Variants in EXD3 observed in about 807,000 individuals in gnomAD.
EXD3 encodes the protein exonuclease 3'-5' domain containing 3, also known as exonuclease mut-7 homolog.
Under a neutral mutation model 98.0 loss-of-function variants are expected in EXD3, and 92 were observed. The ratio of observed to expected loss-of-function variants is 0.94; its 90% CI spans 0.79 to 1.12. The LOEUF (loss-of-function observed/expected upper bound fraction) is 1.12. Ranked by LOEUF, EXD3 falls within the 50% of genes most tolerant of loss-of-function variation. EXD3 has a pLI of 0.00. For missense variants in EXD3, 1,222 were observed against 1,191.6 expected (o/e 1.03, Z -0.38); for synonymous variants, 569 against 526.0 (o/e 1.08, Z -1.12).
intron 5 of EXD3, among the ~76,000 whole-genome samples, chr9:137,370,789 G>GC (rs1835551120): frequency 1.4e-5 from 2 of 143,246 alleles, no homozygotes; most frequent in Non-Finnish European, 1.5e-5. Context: ...AGCCAAGAGG[G>GC]CCTTTTTTTT....
At chr9:137,361,704 C>G (rs1835002435) in intron 7 of EXD3, among the ~76,000 whole-genome samples, 1 of 148,608 alleles carries the variant, frequency 6.7e-6, no homozygotes, top group Admixed American at 6.7e-5. Context: ...TGAGATCGCG[C>G]CACTGCACTC....
chr9:137,392,735 C>T, intron 2 of EXD3: 1 of 347,268 alleles, frequency 2.9e-6, no homozygotes, highest in Non-Finnish European at 5.5e-6. Flanking sequence ...GAGCACCAGG[C>T]TGTTCCAGGG....
chr9:137,421,215 C>T (rs968559910), intron 1 of EXD3, among the ~76,000 whole-genome samples: 4 of 152,118 alleles, frequency 2.6e-5, no homozygotes, highest in Non-Finnish European at 5.9e-5. Context: ...GCTGTTATGA[C>T]GCCAGCACAT....
At chr9:137,412,668 C>T (rs936265673) in intron 1 of EXD3, among the ~76,000 whole-genome samples, 10 of 152,326 alleles carry the variant, frequency 6.6e-5, no homozygotes, top group South Asian at 2.1e-4. Flanking sequence ...CACGCACAGC[C>T]GGGGCCCCTC....
In EXD3 at chr9:137,307,065, AAG is replaced by A; in HGVS notation, c.2514_2515del (p.Phe839LeufsTer44). ...ACGACCCAGGTGGGAGCCGTCCCAGAAGACCTTTCCACAGCCCGTGCAGCAGT... is the reference window on the plus strand; with the variant it reads ...ACGACCCAGGTGGGAGCCGTCCCAGAACCTTTCCACAGCCCGTGCAGCAGT... On this transcript the variant is annotated frameshift_variant, in exon 22 of 22. Transcript: ENST00000340951. LOFTEE classifies it low-confidence loss of function (END_TRUNC). 2 of 1,611,940 alleles carry A rather than the reference AAG, an allele frequency of 1.2e-6. No individual in the cohort carries two copies. Among genetic ancestry groups the A allele is most frequent in the Non-Finnish European group, 1.7e-6 (2 of 1,179,574 alleles).
intron 12 of EXD3, 117 bp from the exon 13 acceptor site, chr9:137,351,645 C>A: frequency 2.1e-6 from 2 of 933,828 alleles, no homozygotes; most frequent in Non-Finnish European, 3.3e-6. Flanking sequence ...GCCCCTGCAC[C>A]CCTGCATGTT....
chr9:137,419,503 C>T (rs1028982923), intron 1 of EXD3, among the ~76,000 whole-genome samples: 2 of 151,876 alleles, frequency 1.3e-5, no homozygotes, highest in African/African-American at 2.4e-5. Flanking sequence ...AACCCCGTTT[C>T]TACTAAAAAT....
intron 10 of EXD3, chr9:137,353,436 C>T: frequency 2.0e-6 from 2 of 985,370 alleles, no homozygotes; most frequent in African/African-American, 1.7e-5. Flanking sequence ...CTGCCCCTTC[C>T]CCTCCTCCTC....
chr9:137,351,516 C>T lies in EXD3; in HGVS notation c.1186G>A (p.Val396Ile). Residue 396 changes from valine to isoleucine, a missense_variant, in exon 13 of 22, where the codon GTT (valine) becomes ATT (isoleucine). Val to Ile is a conservative substitution (Grantham distance 29, BLOSUM62 3). Transcript: ENST00000340951. The part of the protein sequence containing the change: ...EGALLQCHQV[V>I]GVDVEWTPVF... Reference sequence around the variant, plus strand: ...GGTGTCCACTCCACGTCTACACCAACCACTTGGTGGCACTGCGGGCAGAGA... The same window carrying T: ...GGTGTCCACTCCACGTCTACACCAATCACTTGGTGGCACTGCGGGCAGAGA... The T allele has an allele frequency of 6.3e-7, 1 of 1,589,928 alleles. No individual in the cohort carries two copies. The highest frequency in any genetic ancestry group is 8.5e-7 in the Non-Finnish European group (1 of 1,169,712).
chr9:137,329,145 AGCTACACGGG>A (rs1283914331), intron 17 of EXD3, among the ~76,000 whole-genome samples: 25 of 1,280 alleles, frequency 0.02, 1 homozygote, highest in South Asian at 0.05. Context: ...GCTACACGGG[AGCTACACGGG>A]GCTACACGGG....
intron 10 of EXD3, 182 bp downstream of exon 10, chr9:137,354,157 C>T (rs1834474649): frequency 2.1e-6 from 3 of 1,430,740 alleles, no homozygotes; most frequent in Middle Eastern, 2.5e-4. Flanking sequence ...CCCGCTCAGG[C>T]CTCCCGGGCC....
In EXD3 at chr9:137,419,391, C is replaced by T. The variant is rs553138674; in HGVS notation, c.-48+3723G>A. ...TTCTTCTCAAAATGCAGTTTAAGGC[C>T]GGGCACGGTGGCTCATGCCTGTAAT... On this transcript the variant is annotated intron_variant, in intron 1 of 21. Coordinates refer to ENST00000340951, the MANE Select transcript of EXD3 (RefSeq NM_017820.5). 2.4e-4 allele frequency among the ~76,000 whole-genome samples: 37 copies of T among 152,290 alleles called. No individual in the cohort carries two copies. In the East Asian group the frequency reaches 6.4e-3, roughly 26 times the overall value.
intron 19 of EXD3, among the ~76,000 whole-genome samples, chr9:137,312,252 G>A (rs548148777): frequency 2.5e-4 from 38 of 152,150 alleles, no homozygotes; most frequent in African/African-American, 8.4e-4. Context: ...CTGAGAGCCC[G>A]AGGGCAGGCA....
intron 19 of EXD3, among the ~76,000 whole-genome samples, chr9:137,322,184 C>A (rs1361240501): frequency 6.6e-6 from 1 of 152,180 alleles, no homozygotes; most frequent in African/African-American, 2.4e-5. Context: ...GTGGGACCCA[C>A]CCAGCCTGAA....
intron 19 of EXD3, among the ~76,000 whole-genome samples, chr9:137,323,517 C>T (rs1832190657): frequency 9.3e-6 from 1 of 107,470 alleles, no homozygotes; most frequent in Non-Finnish European, 1.8e-5. Flanking sequence ...ACACCTCACC[C>T]CGGACCCACG....
At chr9:137,352,931 A>G in intron 10 of EXD3, 145 bp from the exon 11 acceptor site, 1 of 1,431,508 alleles carries the variant, frequency 7.0e-7, no homozygotes, top group Non-Finnish European at 9.1e-7. Flanking sequence ...TGAGGCCTGC[A>G]GCATCTGTCC....
At chr9:137,411,472 G>A (rs1837995739) in intron 1 of EXD3, among the ~76,000 whole-genome samples, 1 of 151,852 alleles carries the variant, frequency 6.6e-6, no homozygotes, top group Non-Finnish European at 1.5e-5. Context: ...CCAACAGGAT[G>A]TGCAGGGGCC....
At chr9:137,316,359 G>C (rs901389301) in intron 19 of EXD3, among the ~76,000 whole-genome samples, 1 of 152,034 alleles carries the variant, frequency 6.6e-6, no homozygotes, top group African/African-American at 2.4e-5. Flanking sequence ...AGGGTCGCAG[G>C]GGTGTGTGCA....
chr9:137,307,419 A>G (rs919297964), intron 21 of EXD3, among the ~76,000 whole-genome samples, 156 bp from the exon 22 acceptor site: 16 of 151,400 alleles, frequency 1.1e-4, no homozygotes, highest in African/African-American at 3.9e-4. Context: ...TGCGTCCTCC[A>G]CTTCCTCTTC....
Sources: allele counts gnomAD v4.1 joint callset (sites outside exome capture counted in the v4.1 genomes callset), GRCh38; gene constraint gnomAD v4.1.1; transcripts MANE v1.5; gene names NCBI Gene and HGNC (gene_info 2026-07-23, HGNC 2026-07-21).